Variants in CYBRD1 observed in about 807,000 individuals in gnomAD.
The protein encoded by CYBRD1 is cytochrome b reductase 1.
Under a neutral mutation model 21.9 loss-of-function variants are expected in CYBRD1, and 14 were observed. The observed-to-expected ratio is 0.64, with a 90% confidence interval of 0.42 to 1.00. CYBRD1 has a LOEUF of 1.00. Ranked by LOEUF, CYBRD1 falls within the 50% of genes least tolerant of loss-of-function variation. CYBRD1 has a pLI of 0.00. For missense variants in CYBRD1, 328 were observed against 352.5 expected, an observed-to-expected ratio of 0.93 and a Z score of 0.56; for synonymous variants, 146 against 136.5, an observed-to-expected ratio of 1.07 and a Z score of -0.48.
Position 171,557,634 on chromosome 2 carries a change from A to T in CYBRD1, c.*2807A>T, listed in dbSNP as rs1574449059. On this transcript the variant is annotated 3_prime_UTR_variant, in exon 4 of 4. Transcript: ENST00000321348. Reference sequence around the variant, plus strand: ...GTGCTGTTTAGAAACAACATCTCAGACTTTACAAAGAAATGACAAAGAAGG... The same window carrying T: ...GTGCTGTTTAGAAACAACATCTCAGTCTTTACAAAGAAATGACAAAGAAGG... 6.6e-6 allele frequency: 1 copy of T among 152,342 alleles called. No individual in the cohort carries two copies. The highest frequency in any genetic ancestry group is 2.1e-4 in the South Asian group (1 of 4,832). The allele number at this position is 152,342 out of a possible 1,614,324, so 9.4% of individuals were successfully genotyped here.
Position 171,522,564 on chromosome 2 carries a change from T to C in CYBRD1, c.19T>C (p.Trp7Arg). Residue 7 changes from tryptophan to arginine, a missense_variant, in exon 1 of 4, where the codon TGG (tryptophan) becomes CGG (arginine). Physicochemically the swap from Trp to Arg is moderately radical, Grantham distance 101. Transcript: ENST00000321348. The surrounding 1 kb of genome is among the most constrained non-coding windows in gnomAD (Gnocchi z 4.3). ...GGCGCTGATGGCCATGGAGGGCTACTGGCGCTTCCTGGCGCTGCTGGGGTC... is the reference window on the plus strand; with the variant it reads ...GGCGCTGATGGCCATGGAGGGCTACCGGCGCTTCCTGGCGCTGCTGGGGTC... MAMEGY[W>R]RFLALLGSAL... is the part of the protein sequence containing the mutation. 1 of 1,606,824 alleles carries C rather than the reference T, an allele frequency of 6.2e-7. No homozygotes were observed. Among genetic ancestry groups the C allele is most frequent in the South Asian group, 1.1e-5 (1 of 89,490 alleles).
At chr2:171,542,523 G>T (rs956600357) in intron 2 of CYBRD1, among the ~76,000 whole-genome samples, 4 of 152,086 alleles carry the variant, frequency 2.6e-5, no homozygotes, top group South Asian at 2.1e-4. Context: ...GAGAGAGAGA[G>T]AAATCAAGAG....
intron 2 of CYBRD1, among the ~76,000 whole-genome samples, chr2:171,552,418 C>G (rs1190286867): frequency 6.6e-6 from 1 of 152,212 alleles, no homozygotes; most frequent in East Asian, 1.9e-4. Flanking sequence ...ACCCCTCCCC[C>G]TGCCTCCCTT....
intron 1 of CYBRD1, among the ~76,000 whole-genome samples, chr2:171,534,315 G>A (rs1697515836): frequency 6.6e-6 from 1 of 152,102 alleles, no homozygotes; most frequent in South Asian, 2.1e-4. Context: ...TGGGCTTAGG[G>A]GACCTTTTTC....
chr2:171,527,903 G>A (rs1697407795), intron 1 of CYBRD1, among the ~76,000 whole-genome samples: 1 of 151,830 alleles, frequency 6.6e-6, no homozygotes, highest in South Asian at 2.1e-4. Context: ...CTTTCTTCCT[G>A]TTCTTTCTCG....
intron 2 of CYBRD1, among the ~76,000 whole-genome samples, chr2:171,550,666 CA>C (rs988186938): frequency 2.0e-5 from 3 of 151,772 alleles, no homozygotes; most frequent in Non-Finnish European, 4.4e-5. Context: ...TCTTTTGTTG[CA>C]AAAAATGTTT....
At chr2:171,550,555 GTTA>G (rs993212779) in intron 2 of CYBRD1, among the ~76,000 whole-genome samples, 5 of 151,992 alleles carry the variant, frequency 3.3e-5, no homozygotes, top group Non-Finnish European at 5.9e-5. Flanking sequence ...TAAATTATAA[GTTA>G]TTATAAATTA....
chr2:171,523,156 C>T (rs531603273), intron 1 of CYBRD1: 9 of 339,736 alleles, frequency 2.6e-5, no homozygotes, highest in Non-Finnish European at 3.6e-5. Flanking sequence ...GAAAGTCGCC[C>T]CTGTGGACCG....
intron 1 of CYBRD1, among the ~76,000 whole-genome samples, chr2:171,531,533 G>T (rs573817749): frequency 6.6e-6 from 1 of 151,988 alleles, no homozygotes; most frequent in Non-Finnish European, 1.5e-5. Flanking sequence ...CTGCAGCCTC[G>T]ACCTCCCGGG....
chr2:171,540,651 A>G (rs1006841730), intron 1 of CYBRD1, among the ~76,000 whole-genome samples: 7 of 152,074 alleles, frequency 4.6e-5, no homozygotes, highest in African/African-American at 1.4e-4. Context: ...GGTGTTTTCC[A>G]GGTTTAGCCA....
rs923727110 is a variant in CYBRD1 at position 171,528,026 on chromosome 2, T to A, written c.193+5288T>A. ...TGGTCAATTCTCAGTCCTAATAGTG[T>A]TTGAGTGGAAGGCAGCATTTGACAT... On this transcript the variant is annotated intron_variant, in intron 1 of 3. Transcript: ENST00000321348. Among the ~76,000 whole-genome samples, 8 of 152,210 alleles carry A rather than the reference T, an allele frequency of 5.3e-5. No homozygotes were observed. The South Asian group carries it at 1.7e-3, about 32-fold the overall frequency.
At chr2:171,529,099 A>C (rs999232423) in intron 1 of CYBRD1, among the ~76,000 whole-genome samples, 2 of 152,240 alleles carry the variant, frequency 1.3e-5, no homozygotes, top group African/African-American at 4.8e-5. Flanking sequence ...AATATTTACT[A>C]AATTGATGGA....
intron 1 of CYBRD1, among the ~76,000 whole-genome samples, chr2:171,532,754 T>C (rs1697486761): frequency 6.6e-6 from 1 of 151,872 alleles, no homozygotes; most frequent in Admixed American, 6.6e-5. Flanking sequence ...TGAGCCAAGA[T>C]CATGCCACTG....
In CYBRD1 at chr2:171,553,438, C is replaced by T. The variant is rs1173044642; in HGVS notation, c.495C>T (p.Val165=). The T allele has an allele frequency of 6.2e-7, 1 of 1,613,556 alleles. No individual in the cohort carries two copies. The highest frequency in any genetic ancestry group is 8.5e-7 in the Non-Finnish European group (1 of 1,179,774). The change falls in exon 3 of 4, where the codon GTC becomes GTT. Residue 165 remains valine (V), a synonymous_variant. Transcript: ENST00000321348. ...LMPIHVYSGI[V]IFGTVIATAL... ...CCATACATGTTTATTCTGGAATTGTCATCTTTGGAACAGTGATTGCAACAG... is the reference window on the plus strand; with the variant it reads ...CCATACATGTTTATTCTGGAATTGTTATCTTTGGAACAGTGATTGCAACAG...
intron 1 of CYBRD1, 66 bp from the exon 2 acceptor site, chr2:171,541,519 C>A: frequency 6.7e-7 from 1 of 1,492,734 alleles, no homozygotes; most frequent in Non-Finnish European, 9.3e-7. Context: ...GTGTGTCAAA[C>A]TGTTCATTTT....
intron 1 of CYBRD1, among the ~76,000 whole-genome samples, chr2:171,529,432 G>A (rs1697431228): frequency 6.7e-6 from 1 of 149,654 alleles, no homozygotes; most frequent in Non-Finnish European, 1.5e-5. Flanking sequence ...CCAGGAGGCT[G>A]AGGCAGGAGA....
chr2:171,543,395 G>T (rs1408198918), intron 2 of CYBRD1, among the ~76,000 whole-genome samples: 1 of 152,212 alleles, frequency 6.6e-6, no homozygotes, highest in East Asian at 1.9e-4. Context: ...CCTTGTACCC[G>T]GCTCCCTTCA....
Position 171,556,202 on chromosome 2 carries a change from G to T in CYBRD1, c.*1375G>T, listed in dbSNP as rs1375287271. ...TTAATTGCAATATTTTTTTCTTCAG[G>T]ATTTTAGCTGCTGAACAACTTTCAG... is the stretch of plus-strand genomic sequence containing the variant. On this transcript the variant is annotated 3_prime_UTR_variant, in exon 4 of 4. Transcript: ENST00000321348. The T allele has an allele frequency of 1.3e-5, 2 of 152,118 alleles. No homozygotes were observed. Among genetic ancestry groups the T allele is most frequent in the Non-Finnish European group, 2.9e-5 (2 of 68,008 alleles). 9.4% of individuals were successfully genotyped at this position (152,118 alleles called of 1,614,324 possible). A position where few individuals can be genotyped will look rare whatever the true frequency, so the allele number is the denominator to read the frequency against.
intron 1 of CYBRD1, among the ~76,000 whole-genome samples, chr2:171,540,191 G>A (rs938283365): frequency 2.0e-5 from 3 of 152,104 alleles, no homozygotes; most frequent in Non-Finnish European, 4.4e-5. Context: ...CCCCACGAAG[G>A]CAACTACTAT....
Sources: gnomAD v4.1 joint callset for allele counts (sites outside exome capture counted in the v4.1 genomes callset) on GRCh38, gnomAD v4.1.1 for gene constraint, Gnocchi (gnomAD v3.1) non-coding constraint, MANE v1.5 for transcripts, NCBI Gene and HGNC (gene_info 2026-07-23, HGNC 2026-07-21) for gene names.